PFKFB3: variants seen among roughly 807,000 people sequenced by gnomAD.
The protein encoded by PFKFB3 is 6-phosphofructo-2-kinase/fructose-2,6-biphosphatase 3.
A neutral mutation model predicts 68.0 loss-of-function variants in PFKFB3; 33 were observed. The ratio of observed to expected loss-of-function variants is 0.49; its 90% confidence interval spans 0.37 to 0.65. The LOEUF is 0.65. Among genes scored for constraint, PFKFB3 ranks in the 30% least tolerant of loss-of-function variants. PFKFB3 has a pLI of 0.00. For missense variants in PFKFB3, 586 were observed against 712.2 expected (o/e 0.82, Z 2.02); for synonymous variants, 315 against 288.2 (o/e 1.09, Z -0.94).
rs1274145614 is a variant in PFKFB3 at position 6,154,357 on chromosome 10, T to C, written c.16+9344T>C. On this transcript the variant is annotated intron_variant, in intron 1 of 14. Transcript: ENST00000379789. The surrounding 1 kb of genome is among the most constrained non-coding windows in gnomAD (Gnocchi z 4.6). The stretch of plus-strand genomic sequence containing the variant: ...GCCTCTCGAGTTCAAGCGATCCTCC[T>C]GCCTCAGCCTCCAGGGCAGCTGGGA... Among the ~76,000 whole-genome samples the C allele has an allele frequency of 6.6e-6, 1 of 152,026 alleles. No homozygotes were observed.
chr10:6,254,808 C>CG (rs1846465245), downstream of PFKFB3, among the ~76,000 whole-genome samples: 3 of 61,622 alleles, frequency 4.9e-5, no homozygotes, highest in Non-Finnish European at 8.2e-5. Context: ...TTTTTCTGTT[C>CG]TTTTTTTTTT....
Position 6,233,781 on chromosome 10 carries a change from G to A in PFKFB3, c.*839G>A, listed in dbSNP as rs1588553473. On this transcript the variant is annotated 3_prime_UTR_variant, in exon 15 of 15. Coordinates refer to ENST00000379775, the MANE Select transcript of PFKFB3 (RefSeq NM_004566.4). Reference sequence around the variant, plus strand: ...TTTTGATGGCAGAAGTGTGACCTGAGAGTCCCACCTTCTCTTCAGGAACGT... The same window carrying A: ...TTTTGATGGCAGAAGTGTGACCTGAAAGTCCCACCTTCTCTTCAGGAACGT... 6.5e-6 allele frequency: 1 copy of A among 152,890 alleles called. No individual in the cohort carries two copies. Among genetic ancestry groups the A allele is most frequent in the East Asian group, 1.9e-4 (1 of 5,334 alleles). 9.5% of individuals were successfully genotyped at this position (152,890 alleles called of 1,614,324 possible). A position where few individuals can be genotyped will look rare whatever the true frequency, so the allele number is the denominator to read the frequency against.
At chr10:6,310,480 A>G in the PFKFB3 span, among the ~76,000 whole-genome samples, 1 of 151,680 alleles carries the variant, frequency 6.6e-6, no homozygotes, top group East Asian at 1.9e-4. Flanking sequence ...CGAAAAAAAA[A>G]GTCTCTAAAT....
chr10:6,213,660 C>A lies in PFKFB3; in HGVS notation c.114C>A (p.Ile38=). ...GPKLTNSPTV[I]VMVGLPARGK... is the part of the protein sequence containing the mutation. ...AGCTGACCAACTCCCCCACCGTCAT[C>A]GTCATGGTGGGCCTCCCCGCCCGGG... The change falls in exon 2 of 15, where the codon ATC becomes ATA. Residue 38 remains isoleucine (I), a synonymous_variant. Transcript: ENST00000379775. 1 of 1,613,284 alleles carries A rather than the reference C, an allele frequency of 6.2e-7. No homozygotes were observed. Among genetic ancestry groups the A allele is most frequent in the Non-Finnish European group, 8.5e-7 (1 of 1,179,680 alleles).
At chr10:6,166,844 T>C (rs532166286) in intron 1 of PFKFB3, among the ~76,000 whole-genome samples, 1 of 98,826 alleles carries the variant, frequency 1.0e-5, no homozygotes, top group Admixed American at 9.9e-5. Flanking sequence ...TTTTTTTTTA[T>C]TTGAGACAGA....
chr10:6,302,447 C>T, the PFKFB3 span, among the ~76,000 whole-genome samples: 92,370 of 135,490 alleles, frequency 0.68, 32,251 homozygotes, highest in Middle Eastern at 0.77. Flanking sequence ...AGTGGTGCAA[C>T]CTTGGCTCAC....
rs546817696 is a variant in PFKFB3 at position 6,173,005 on chromosome 10, C to T, written c.16+27992C>T. On this transcript the variant is annotated intron_variant, in intron 1 of 14. Transcript: ENST00000379789. The stretch of plus-strand genomic sequence containing the variant: ...CGTCCACTGCAGTGGCCCAGCTCTT[C>T]CCAGCATCCCCTTACACAGGATCTG... Among the ~76,000 whole-genome samples the T allele has an allele frequency of 1.1e-4, 16 of 152,280 alleles. No homozygotes were observed. In the South Asian group the frequency reaches 3.3e-3, roughly 32 times the overall value.
chr10:6,302,300 CT>C, the PFKFB3 span, among the ~76,000 whole-genome samples: 1 of 150,740 alleles, frequency 6.6e-6, no homozygotes, highest in Non-Finnish European at 1.5e-5. Flanking sequence ...GGCGATCCAC[CT>C]GCCTCGGCCT....
the PFKFB3 span, among the ~76,000 whole-genome samples, chr10:6,311,780 C>T: frequency 6.6e-6 from 1 of 152,036 alleles, no homozygotes; most frequent in Non-Finnish European, 1.5e-5. Flanking sequence ...AAAGAAAATG[C>T]TTTGTAAAGG....
At chr10:6,253,397 C>T (rs955474251) in intron 14 of PFKFB3, among the ~76,000 whole-genome samples, 4 of 152,142 alleles carry the variant, frequency 2.6e-5, no homozygotes, top group Admixed American at 2.0e-4. Flanking sequence ...TATTAAAGTG[C>T]TCTCCGAAAA....
the PFKFB3 span, among the ~76,000 whole-genome samples, chr10:6,300,390 T>G: frequency 6.6e-6 from 1 of 152,190 alleles, no homozygotes; most frequent in Admixed American, 6.5e-5. Flanking sequence ...TGAATAGGAA[T>G]AGGTAGTAGA....
In PFKFB3 at chr10:6,206,212, A is replaced by G. The variant is rs566530587; in HGVS notation, c.76+2876A>G. ...ACAAAGCACATCTTGCACCGCCCTT[A>G]ATCCATCCAACCCTGAGTGGACACA... On this transcript the variant is annotated intron_variant, in intron 1 of 14. Transcript: ENST00000379775. Among the ~76,000 whole-genome samples, 263 of 145,260 alleles carry G rather than the reference A, an allele frequency of 1.8e-3. 2 individuals carry two copies. Among genetic ancestry groups the G allele is most frequent in the African/African-American group, 6.5e-3 (250 of 38,728 alleles).
Position 6,221,053 on chromosome 10 carries a change from G to A in PFKFB3, c.831+188G>A, listed in dbSNP as rs565881648. 1.5e-3 allele frequency among the ~76,000 whole-genome samples: 221 copies of A among 151,764 alleles called. 1 individual carries two copies. Among genetic ancestry groups the A allele is most frequent in the African/African-American group, 5.2e-3 (212 of 41,078 alleles). On this transcript the variant is annotated intron_variant, in intron 8 of 14. Coordinates refer to ENST00000379775, the MANE Select transcript of PFKFB3 (RefSeq NM_004566.4). ...TGTGTGCATCTCTGTATGGCTCTGT[G>A]TGTGTGTGTGTCTACGCCTATCCAT...
chr10:6,215,608 G>T lies in PFKFB3; in HGVS notation c.299+291G>T, dbSNP rs1048637949. 4.6e-5 allele frequency among the ~76,000 whole-genome samples: 7 copies of T among 152,180 alleles called. No homozygotes were observed. ...TGCTGCTCTCATCTGTCCCCTGAGG[G>T]TCTCGCTGAGCTGACCCTCACTGGG... On this transcript the variant is annotated intron_variant, in intron 3 of 14. Coordinates refer to ENST00000379775, the MANE Select transcript of PFKFB3 (RefSeq NM_004566.4). The surrounding 1 kb of genome is among the most constrained non-coding windows in gnomAD (Gnocchi z 4.3).
the PFKFB3 span, among the ~76,000 whole-genome samples, chr10:6,282,113 G>A: frequency 6.6e-6 from 1 of 152,046 alleles, no homozygotes; most frequent in East Asian, 1.9e-4. Context: ...GGGGCTACAG[G>A]CACACACCAC....
chr10:6,166,821 C>CTTTTTTTTTTTTTTTTTTTTTT (rs144747290), intron 1 of PFKFB3, among the ~76,000 whole-genome samples: 5 of 95,274 alleles, frequency 5.2e-5, no homozygotes, highest in Non-Finnish European at 4.3e-5. Context: ...CCTTCTTCTT[C>CTTTTTTTTTTTTTTTTTTTTTT]TTTTTTTTTT....
chr10:6,165,907 C>T lies in PFKFB3; in HGVS notation c.16+20894C>T, dbSNP rs1238724648. The stretch of plus-strand genomic sequence containing the variant: ...TCCGCTCACTGCAACCTCTGCCTCC[C>T]GGGTTCAAGCGATTCTCTTCCCTCA... On this transcript the variant is annotated intron_variant, in intron 1 of 14. Coordinates refer to the PFKFB3 transcript ENST00000379789. Among the ~76,000 whole-genome samples, 4 of 151,440 alleles carry T rather than the reference C, an allele frequency of 2.6e-5. No individual in the cohort carries two copies. In the East Asian group the frequency reaches 7.8e-4, roughly 29 times the overall value.
chr10:6,320,223 AT>A, the PFKFB3 span, among the ~76,000 whole-genome samples: 2 of 152,186 alleles, frequency 1.3e-5, no homozygotes, highest in Non-Finnish European at 2.9e-5. Context: ...AATAAAATTA[AT>A]GAAGAATGCA....
chr10:6,164,642 C>T (rs1842075170), intron 1 of PFKFB3, among the ~76,000 whole-genome samples: 1 of 152,144 alleles, frequency 6.6e-6, no homozygotes. Context: ...TCTGAGTTCC[C>T]TCAGTATTGA....
Sources: allele counts gnomAD v4.1 joint callset (sites outside exome capture counted in the v4.1 genomes callset), GRCh38; gene constraint gnomAD v4.1.1; non-coding constraint Gnocchi (gnomAD v3.1); transcripts MANE v1.5; gene names NCBI Gene and HGNC (gene_info 2026-07-23, HGNC 2026-07-21).